Variants in GALNTL6 observed in about 807,000 individuals in gnomAD.
GALNTL6 encodes polypeptide N-acetylgalactosaminyltransferase-like 6.
Under a neutral mutation model 73.7 loss-of-function variants are expected in GALNTL6, and 46 were observed. The ratio of observed to expected loss-of-function variants is 0.62; its 90% CI spans 0.49 to 0.80. GALNTL6 has a LOEUF of 0.80. Among genes scored for constraint, GALNTL6 ranks in the 30% least tolerant of loss-of-function variants. GALNTL6 has a pLI of 0.00. For synonymous variants in GALNTL6, 259 were observed against 263.7 expected, an observed-to-expected ratio of 0.98 and a Z score of 0.17; for missense variants, 604 against 755.0, an observed-to-expected ratio of 0.80 and a Z score of 2.34.
intron 2 of GALNTL6, among the ~76,000 whole-genome samples, chr4:172,119,765 G>A (rs568302247): frequency 1.3e-5 from 2 of 152,268 alleles, no homozygotes; most frequent in East Asian, 3.9e-4. Context: ...CAACCTGCAA[G>A]CTGCATGCCA....
At chr4:172,759,559 C>A (rs1275286297) in intron 5 of GALNTL6, among the ~76,000 whole-genome samples, 2 of 152,154 alleles carry the variant, frequency 1.3e-5, no homozygotes, top group African/African-American at 4.8e-5. Flanking sequence ...TTCATCCACC[C>A]TTTAGGGTCT....
At chr4:172,992,952 A>G (rs960899844) in intron 10 of GALNTL6, among the ~76,000 whole-genome samples, 1 of 152,184 alleles carries the variant, frequency 6.6e-6, no homozygotes, top group Non-Finnish European at 1.5e-5. Flanking sequence ...CCCTACCCCT[A>G]AGAATGAACA....
intron 2 of GALNTL6, among the ~76,000 whole-genome samples, chr4:172,145,484 A>G (rs1397832463): frequency 2.0e-5 from 3 of 151,968 alleles, no homozygotes; most frequent in Admixed American, 2.0e-4. Context: ...GACTCAAGCA[A>G]TCCATTCACC....
chr4:172,625,200 CTT>C lies in GALNTL6; in HGVS notation c.554-184158_554-184157del, dbSNP rs1490888147. Among the ~76,000 whole-genome samples the C allele has an allele frequency of 2.0e-5, 3 of 152,042 alleles. No individual in the cohort carries two copies. The East Asian group carries it at 5.8e-4, about 29-fold the overall frequency. On this transcript the variant is annotated intron_variant, in intron 5 of 12. Coordinates refer to ENST00000506823, the MANE Select transcript of GALNTL6 (RefSeq NM_001034845.3). The stretch of plus-strand genomic sequence containing the variant: ...TATATATTTCTTATATTGTTTGACT[CTT>C]TTACTACCCTTGACCTCATTTCTCA...
chr4:172,515,673 C>T (rs187475912), intron 5 of GALNTL6, among the ~76,000 whole-genome samples: 142 of 152,302 alleles, frequency 9.3e-4, no homozygotes, highest in African/African-American at 3.2e-3. Flanking sequence ...AACCCCCTTT[C>T]GGGCAAGGTG....
chr4:172,327,621 T>G (rs1157315436), intron 4 of GALNTL6, among the ~76,000 whole-genome samples: 2 of 152,204 alleles, frequency 1.3e-5, no homozygotes, highest in African/African-American at 4.8e-5. Flanking sequence ...TGTTGTTGAA[T>G]TGAACCCTTC....
At chr4:172,057,568 G>A (rs1486309274) in intron 2 of GALNTL6, among the ~76,000 whole-genome samples, 2 of 150,340 alleles carry the variant, frequency 1.3e-5, no homozygotes, top group African/African-American at 2.4e-5. Context: ...AAAACTGGGT[G>A]TGGTGGTATA....
intron 10 of GALNTL6, among the ~76,000 whole-genome samples, chr4:172,966,956 A>T (rs1750359782): frequency 6.6e-6 from 1 of 152,184 alleles, no homozygotes; most frequent in South Asian, 2.1e-4. Context: ...GTCATCGGTC[A>T]GTCTTAGATT....
At chr4:171,919,721 T>C (rs921787572) in intron 2 of GALNTL6, among the ~76,000 whole-genome samples, 2 of 152,138 alleles carry the variant, frequency 1.3e-5, no homozygotes, top group Non-Finnish European at 2.9e-5. Flanking sequence ...GAAGTAGTTA[T>C]TACTCTTGGT....
At chr4:172,976,440 A>G (rs1336699713) in intron 10 of GALNTL6, among the ~76,000 whole-genome samples, 1 of 152,216 alleles carries the variant, frequency 6.6e-6, no homozygotes, top group Non-Finnish European at 1.5e-5. Flanking sequence ...AATTCACATA[A>G]GTATATCCCT....
chr4:172,431,736 ATAAC>A (rs1399181467), intron 5 of GALNTL6, among the ~76,000 whole-genome samples: 1 of 152,184 alleles, frequency 6.6e-6, no homozygotes, highest in Non-Finnish European at 1.5e-5. Context: ...ATGCTCATAA[ATAAC>A]TGATTAGTGT....
intron 2 of GALNTL6, among the ~76,000 whole-genome samples, chr4:171,909,193 A>T: frequency 6.6e-6 from 1 of 151,476 alleles, no homozygotes; most frequent in Non-Finnish European, 1.5e-5. Flanking sequence ...AAAAAAGAAA[A>T]TGAGGTGAAA....
chr4:172,780,292 C>G (rs1739306735), intron 5 of GALNTL6, among the ~76,000 whole-genome samples: 1 of 152,142 alleles, frequency 6.6e-6, no homozygotes, highest in South Asian at 2.1e-4. Flanking sequence ...GGCTTCTCAT[C>G]ACTGAAAGTA....
At chr4:171,827,851 A>C (rs1734866199) in intron 2 of GALNTL6, among the ~76,000 whole-genome samples, 1 of 152,056 alleles carries the variant, frequency 6.6e-6, no homozygotes, top group Non-Finnish European at 1.5e-5. Flanking sequence ...AGGTACACTT[A>C]CCTGTGGATT....
At chr4:172,575,277 G>T (rs2110959046) in intron 5 of GALNTL6, among the ~76,000 whole-genome samples, 1 of 152,152 alleles carries the variant, frequency 6.6e-6, no homozygotes, top group African/African-American at 2.4e-5. Context: ...TTTCCTTACT[G>T]CAAACATTGT....
chr4:172,870,895 C>T (rs553998116), intron 7 of GALNTL6, among the ~76,000 whole-genome samples: 101 of 152,264 alleles, frequency 6.6e-4, no homozygotes, highest in African/African-American at 2.3e-3. Context: ...TCTGGACCCA[C>T]TGAAAAATAA....
chr4:172,440,876 A>G (rs1230095894), intron 5 of GALNTL6, among the ~76,000 whole-genome samples: 2 of 152,248 alleles, frequency 1.3e-5, no homozygotes, highest in East Asian at 3.9e-4. Context: ...TGATATAACT[A>G]TAAAATTTTT....
At chr4:172,542,819 G>T (rs186583419) in intron 5 of GALNTL6, among the ~76,000 whole-genome samples, 1 of 152,026 alleles carries the variant, frequency 6.6e-6, no homozygotes, top group Admixed American at 6.6e-5. Flanking sequence ...CTGGCCGGGC[G>T]CAGTGGCTCA....
At chr4:172,682,702 G>A (rs1732694072) in intron 5 of GALNTL6, among the ~76,000 whole-genome samples, 1 of 152,106 alleles carries the variant, frequency 6.6e-6, no homozygotes, top group Non-Finnish European at 1.5e-5. Context: ...AGTGAGCTGG[G>A]TAGTACTTTC....
Sources: gnomAD v4.1 joint callset for allele counts (sites outside exome capture counted in the v4.1 genomes callset) on GRCh38, gnomAD v4.1.1 for gene constraint, MANE v1.5 for transcripts, NCBI Gene and HGNC (gene_info 2026-07-23, HGNC 2026-07-21) for gene names.